CFAP61: variants seen among roughly 807,000 people sequenced by gnomAD.
CFAP61 encodes the protein cilia- and flagella-associated protein 61.
CFAP61 carries 107 observed loss-of-function variants against 135.6 expected under a neutral mutation model. The observed-to-expected ratio is 0.79, with a 90% CI of 0.67 to 0.93. The LOEUF is 0.93. CFAP61 is among the 40% of genes least tolerant of loss of function. The pLI is 0.00. For missense variants in CFAP61, 1,507 were observed against 1,556.2 expected (o/e 0.97, Z 0.53); for synonymous variants, 575 against 578.5 (o/e 0.99, Z 0.09).
At chr20:20,326,782 G>A (rs1213123310) in intron 25 of CFAP61, among the ~76,000 whole-genome samples, 1 of 152,126 alleles carries the variant, frequency 6.6e-6, no homozygotes, top group Non-Finnish European at 1.5e-5. Flanking sequence ...TATCTTTAAT[G>A]TGTAGTCTTC....
At chr20:20,056,376 C>G (rs1225974106) in intron 1 of CFAP61, among the ~76,000 whole-genome samples, 1 of 152,174 alleles carries the variant, frequency 6.6e-6, no homozygotes, top group African/African-American at 2.4e-5. Flanking sequence ...TTTAAAGCAG[C>G]TTTGTTGGAA....
intron 11 of CFAP61, among the ~76,000 whole-genome samples, chr20:20,165,600 A>C (rs1257310182): frequency 6.6e-6 from 1 of 151,280 alleles, no homozygotes; most frequent in South Asian, 2.1e-4. Flanking sequence ...CCTGGATTCC[A>C]CATCTCCTTA....
At chr20:20,137,897 G>C (rs1261235876) in intron 8 of CFAP61, among the ~76,000 whole-genome samples, 2 of 152,114 alleles carry the variant, frequency 1.3e-5, no homozygotes, top group African/African-American at 4.8e-5. Flanking sequence ...CTCACCCAAG[G>C]CCCATGGCGA....
intron 25 of CFAP61, among the ~76,000 whole-genome samples, chr20:20,328,884 CA>C (rs1424401546): frequency 6.6e-6 from 1 of 152,196 alleles, no homozygotes; most frequent in East Asian, 1.9e-4. Flanking sequence ...CAGGAGCTAA[CA>C]AGCGTTGTCG....
chr20:20,219,145 G>C (rs1462573691), intron 17 of CFAP61, among the ~76,000 whole-genome samples: 1 of 152,148 alleles, frequency 6.6e-6, no homozygotes, highest in Non-Finnish European at 1.5e-5. Flanking sequence ...CATTGTTCCT[G>C]TATTCCTTCA....
Position 20,308,321 on chromosome 20 carries a change from T to A in CFAP61, c.3422+9935T>A, listed in dbSNP as rs377254577. On this transcript the variant is annotated intron_variant, in intron 25 of 26. Coordinates refer to ENST00000245957, the MANE Select transcript of CFAP61 (RefSeq NM_015585.4). Reference sequence around the variant, plus strand: ...CCTGCCGATGTAGCTATCAGATGCGTGCTCAGTGAAGGCCCAGTGGAGACA... The same window carrying A: ...CCTGCCGATGTAGCTATCAGATGCGAGCTCAGTGAAGGCCCAGTGGAGACA... 2.0e-5 allele frequency among the ~76,000 whole-genome samples: 3 copies of A among 152,258 alleles called. No homozygotes were observed. The East Asian group carries it at 5.8e-4, about 29-fold the overall frequency.
At chr20:20,055,822 G>T in intron 1 of CFAP61, 2 of 701,462 alleles carry the variant, frequency 2.9e-6, no homozygotes, top group Non-Finnish European at 5.0e-6. Flanking sequence ...TCCCTGTTTT[G>T]AGCTCACTGG....
rs1219885977 is a variant in CFAP61 at position 20,298,388 on chromosome 20, T to C, written c.3422+2T>C. On this transcript the variant is annotated splice_donor_variant, in intron 25 of 26. Transcript: ENST00000245957. LOFTEE classifies it high-confidence loss of function. ...AAACCTGATCACAGATCTCTATAGG[T>C]GAGTTGGACATTGCATTTGACTACA... 1.2e-6 allele frequency: 2 copies of C among 1,611,634 alleles called. No individual in the cohort carries two copies. The highest frequency in any genetic ancestry group is 1.7e-5 in the Admixed American group (1 of 59,998).
intron 8 of CFAP61, among the ~76,000 whole-genome samples, chr20:20,140,852 G>A (rs1443569785): frequency 6.6e-6 from 1 of 151,612 alleles, no homozygotes; most frequent in Non-Finnish European, 1.5e-5. Flanking sequence ...AGAAAATGTG[G>A]CACATATACA....
intron 18 of CFAP61, among the ~76,000 whole-genome samples, chr20:20,237,924 G>A (rs965806171): frequency 2.0e-5 from 3 of 152,074 alleles, no homozygotes; most frequent in Non-Finnish European, 2.9e-5. Context: ...ACAATGTGTG[G>A]TGTTTACTCC....
chr20:20,163,955 G>C (rs2053611521), intron 10 of CFAP61, 95 bp from the exon 11 acceptor site: 1 of 1,034,676 alleles, frequency 9.7e-7, no homozygotes, highest in East Asian at 2.5e-5. Context: ...CCTGTCCTCA[G>C]AACGGTGTCA....
At position 20,196,687 on chromosome 20, in the gene CFAP61, T is replaced by A. The variant is rs1340310593; in HGVS notation, c.1708T>A (p.Tyr570Asn). ...HFALNPIFRHYTKFFLKEILR... is the reference protein window; with the variant it reads ...HFALNPIFRHNTKFFLKEILR... ...TGCCCTCAACCCCATTTTCCGGCACTACACCAAGTTCTTTCTGAAGGAGAT... is the reference window on the plus strand; with the variant it reads ...TGCCCTCAACCCCATTTTCCGGCACAACACCAAGTTCTTTCTGAAGGAGAT... Residue 570 changes from tyrosine to asparagine, a missense_variant, in exon 16 of 27, where the codon TAC becomes AAC. Coordinates refer to ENST00000245957, the MANE Select transcript of CFAP61 (RefSeq NM_015585.4). 1 of 1,614,212 alleles carries A rather than the reference T, an allele frequency of 6.2e-7. No individual in the cohort carries two copies. The highest frequency in any genetic ancestry group is 1.1e-5 in the South Asian group (1 of 91,082).
chr20:20,085,465 T>G, intron 6 of CFAP61: 2 of 1,366,608 alleles, frequency 1.5e-6, no homozygotes, highest in Non-Finnish European at 2.0e-6. Flanking sequence ...GGGAAAGGGC[T>G]TAAGAGAGAG....
At chr20:20,296,297 C>CCCTTCCTTCCTTCCTTCCCT in intron 24 of CFAP61, among the ~76,000 whole-genome samples, 1 of 81,338 alleles carries the variant, frequency 1.2e-5, no homozygotes, top group East Asian at 4.0e-4. Flanking sequence ...TTCCCTCCTT[C>CCCTTCCTTCCTTCCTTCCCT]CCTTCCTTCC....
intron 8 of CFAP61, among the ~76,000 whole-genome samples, chr20:20,109,774 G>C (rs1258912087): frequency 6.6e-6 from 1 of 152,192 alleles, no homozygotes; most frequent in East Asian, 1.9e-4. Flanking sequence ...CAAAGAGCTA[G>C]CTCTTAATCT....
intron 8 of CFAP61, among the ~76,000 whole-genome samples, chr20:20,118,503 G>C (rs1796850146): frequency 6.6e-6 from 1 of 151,460 alleles, no homozygotes; most frequent in African/African-American, 2.4e-5. Context: ...ACCACTCCTG[G>C]CTAATTTTTG....
intron 9 of CFAP61, among the ~76,000 whole-genome samples, chr20:20,151,830 A>AAAAAAC (rs1188561340): frequency 1.6e-4 from 2 of 12,564 alleles, no homozygotes; most frequent in Non-Finnish European, 5.1e-4. Context: ...ACTCCGTCTC[A>AAAAAAC]AAAAAAAAAA....
intron 21 of CFAP61, chr20:20,265,437 A>T: frequency 1.3e-6 from 1 of 779,768 alleles, no homozygotes; most frequent in Non-Finnish European, 2.4e-6. Context: ...CATCAGTGTT[A>T]TTCTGCTGAC....
intron 2 of CFAP61, among the ~76,000 whole-genome samples, chr20:20,062,094 AAG>A (rs1334918579): frequency 2.0e-5 from 3 of 152,086 alleles, no homozygotes; most frequent in Non-Finnish European, 4.4e-5. Context: ...GCCATATCGT[AAG>A]AGAGAAGTGT....
Sources: gnomAD v4.1 joint callset for allele counts (sites outside exome capture counted in the v4.1 genomes callset) on GRCh38, gnomAD v4.1.1 for gene constraint, MANE v1.5 for transcripts, NCBI Gene and HGNC (gene_info 2026-07-23, HGNC 2026-07-21) for gene names.